SLC44A1: variants seen among roughly 807,000 people sequenced by gnomAD.
The protein encoded by SLC44A1 is solute carrier family 44 member 1.
Under a neutral mutation model 79.3 loss-of-function variants are expected in SLC44A1, and 26 were observed. That is an observed-to-expected ratio of 0.33 (90% CI 0.24 to 0.46). SLC44A1 has a LOEUF of 0.46. Among genes scored for constraint, SLC44A1 ranks in the 20% least tolerant of loss-of-function variants. SLC44A1 has a pLI of 1.00. For synonymous variants in SLC44A1, 263 were observed against 286.2 expected (o/e 0.92, Z 0.82); for missense variants, 688 against 798.1 (o/e 0.86, Z 1.66).
rs535821697 is a variant in SLC44A1 at position 105,366,312 on chromosome 9, G to GT, written c.1411-27dup. 2.1e-4 allele frequency: 253 copies of GT among 1,206,254 alleles called. 6 individuals are homozygous for GT. The East Asian group carries it at 3.8e-3, about 18-fold the overall frequency. The allele number at this position is 1,206,254 out of a possible 1,614,324, so 74.7% of individuals were successfully genotyped here. A position where few individuals can be genotyped will look rare whatever the true frequency, so the allele number is the denominator to read the frequency against. On this transcript the variant is annotated intron_variant, in intron 11 of 15. Transcript: ENST00000374720. ...TTCTATGTGACAGTTTGATTCTTTG[G>GT]TTTTTTTATTATTTCCATTTTTCCC...
At chr9:105,293,902 A>G (rs1830660018) in intron 1 of SLC44A1, among the ~76,000 whole-genome samples, 1 of 152,244 alleles carries the variant, frequency 6.6e-6, no homozygotes, top group Non-Finnish European at 1.5e-5. Context: ...AGTCTAAGAC[A>G]TAGTAGTACT....
chr9:105,245,503 T>C (rs1829416399), intron 1 of SLC44A1, among the ~76,000 whole-genome samples: 1 of 152,196 alleles, frequency 6.6e-6, no homozygotes. Flanking sequence ...CAGACCTCGC[T>C]TGCTCGCTTG....
At chr9:105,351,628 GAA>G (rs1387802429) in intron 5 of SLC44A1, among the ~76,000 whole-genome samples, 31 of 43,954 alleles carry the variant, frequency 7.1e-4, no homozygotes, top group African/African-American at 1.1e-3. Flanking sequence ...GAAAGAGAGA[GAA>G]AGAGAAAGAA....
chr9:105,368,107 G>A (rs1827994044), intron 12 of SLC44A1, among the ~76,000 whole-genome samples: 1 of 152,022 alleles, frequency 6.6e-6, no homozygotes, highest in African/African-American at 2.4e-5. Context: ...TATCAAGATA[G>A]TCGATAAAAG....
At chr9:105,258,963 C>G (rs1305397106) in intron 1 of SLC44A1, among the ~76,000 whole-genome samples, 2 of 152,034 alleles carry the variant, frequency 1.3e-5, no homozygotes, top group Non-Finnish European at 2.9e-5. Flanking sequence ...CCTAGGCCTC[C>G]CAAAATGCTG....
At chr9:105,412,709 C>T (rs1452653982) in intron 15 of SLC44A1, among the ~76,000 whole-genome samples, 1 of 152,110 alleles carries the variant, frequency 6.6e-6, no homozygotes, top group African/African-American at 2.4e-5. Context: ...TCTAGCGATT[C>T]TCCTGCCTCA....
chr9:105,431,606 G>A (rs1829398764), intron 15 of SLC44A1, among the ~76,000 whole-genome samples: 1 of 152,176 alleles, frequency 6.6e-6, no homozygotes, highest in Non-Finnish European at 1.5e-5. Context: ...TCATAAAAAG[G>A]GCATGCGCCT....
At chr9:105,337,590 C>G (rs758219050) in intron 4 of SLC44A1, among the ~76,000 whole-genome samples, 1 of 152,100 alleles carries the variant, frequency 6.6e-6, no homozygotes, top group South Asian at 2.1e-4. Context: ...CAATGCTAAC[C>G]CCTTGCTCGG....
chr9:105,312,748 G>A (rs955708818), intron 3 of SLC44A1, among the ~76,000 whole-genome samples: 2 of 152,084 alleles, frequency 1.3e-5, no homozygotes, highest in Non-Finnish European at 2.9e-5. Flanking sequence ...TAATTTGCAT[G>A]TCTTTGATTA....
chr9:105,405,070 A>G (rs935000024), intron 15 of SLC44A1, among the ~76,000 whole-genome samples: 2 of 151,398 alleles, frequency 1.3e-5, no homozygotes, highest in African/African-American at 4.8e-5. Flanking sequence ...CTGTAATCCT[A>G]GGACTTTGGG....
intron 5 of SLC44A1, among the ~76,000 whole-genome samples, chr9:105,354,073 C>A: frequency 1.2e-5 from 1 of 85,412 alleles, no homozygotes; most frequent in Non-Finnish European, 1.9e-5. Flanking sequence ...TTTTTTGAGA[C>A]GGAGTCTCTC....
intron 4 of SLC44A1, among the ~76,000 whole-genome samples, chr9:105,336,133 C>CGTGT (rs1564444576): frequency 2.2e-5 from 3 of 133,352 alleles, no homozygotes; most frequent in African/African-American, 1.1e-4. Context: ...TGTGTGTGTG[C>CGTGT]ATGTGTGTGT....
intron 14 of SLC44A1, among the ~76,000 whole-genome samples, chr9:105,385,127 C>A (rs915274069): frequency 6.6e-6 from 1 of 152,086 alleles, no homozygotes; most frequent in African/African-American, 2.4e-5. Context: ...AAAATAGCCT[C>A]TTAAAAATGT....
intron 12 of SLC44A1, among the ~76,000 whole-genome samples, 153 bp downstream of exon 12, chr9:105,366,582 T>G (rs1827948950): frequency 6.6e-6 from 1 of 152,308 alleles, no homozygotes; most frequent in East Asian, 1.9e-4. Context: ...ATCATATTCT[T>G]ATTTTTTAAA....
intron 5 of SLC44A1, among the ~76,000 whole-genome samples, chr9:105,350,504 C>G (rs1473513226): frequency 6.6e-6 from 1 of 151,982 alleles, no homozygotes; most frequent in Non-Finnish European, 1.5e-5. Flanking sequence ...TGGCAAAAGA[C>G]CAGCACCAGG....
At chr9:105,328,979 C>T (rs1826667066) in intron 3 of SLC44A1, among the ~76,000 whole-genome samples, 1 of 152,128 alleles carries the variant, frequency 6.6e-6, no homozygotes, top group South Asian at 2.1e-4. Context: ...ATTTGGGTCC[C>T]ACCCCAGATT....
At chr9:105,341,101 A>G (rs2131368922) in intron 4 of SLC44A1, among the ~76,000 whole-genome samples, 1 of 152,216 alleles carries the variant, frequency 6.6e-6, no homozygotes, top group South Asian at 2.1e-4. Context: ...TTGGGTGGCC[A>G]AGGTGGGTGG....
intron 1 of SLC44A1, among the ~76,000 whole-genome samples, chr9:105,292,536 A>T (rs1183881567): frequency 1.3e-5 from 2 of 152,310 alleles, no homozygotes; most frequent in Admixed American, 1.3e-4. Context: ...TTAGCAGTCA[A>T]TATTTCCCCA....
At chr9:105,259,478 T>A (rs1829792125) in intron 1 of SLC44A1, among the ~76,000 whole-genome samples, 2 of 152,160 alleles carry the variant, frequency 1.3e-5, no homozygotes, top group Non-Finnish European at 2.9e-5. Context: ...GTGTGCACAT[T>A]AAGATCAAAT....
Sources: gnomAD v4.1 joint callset for allele counts (sites outside exome capture counted in the v4.1 genomes callset) on GRCh38, gnomAD v4.1.1 for gene constraint, MANE v1.5 for transcripts, NCBI Gene and HGNC (gene_info 2026-07-23, HGNC 2026-07-21) for gene names.